FHOD3: variants seen among roughly 807,000 people sequenced by gnomAD.
The protein encoded by FHOD3 is FH1/FH2 domain-containing protein 3.
Under a neutral mutation model 173.0 loss-of-function variants are expected in FHOD3, and 90 were observed. That is an observed-to-expected ratio of 0.52 (90% CI 0.44 to 0.62). The LOEUF is 0.62. FHOD3 is among the 20% of genes least tolerant of loss of function. The pLI is 0.00. For synonymous variants in FHOD3, 828 were observed against 823.0 expected (o/e 1.01, Z -0.10); for missense variants, 1,945 against 2,034.7 (o/e 0.96, Z 0.85).
At chr18:36,402,370 C>A (rs1421816778) in intron 3 of FHOD3, among the ~76,000 whole-genome samples, 1 of 152,102 alleles carries the variant, frequency 6.6e-6, no homozygotes, top group Non-Finnish European at 1.5e-5. Context: ...ACACACATAA[C>A]CCATGCCACT....
At chr18:36,669,815 T>C (rs1206077072) in intron 14 of FHOD3, among the ~76,000 whole-genome samples, 2 of 151,938 alleles carry the variant, frequency 1.3e-5, no homozygotes. Context: ...AAATAAGGCT[T>C]ATATTTACCT....
At chr18:36,460,414 A>G (rs9949680) in intron 3 of FHOD3, among the ~76,000 whole-genome samples, 91 of 152,330 alleles carry the variant, frequency 6.0e-4, no homozygotes, top group African/African-American at 2.1e-3. Context: ...ATCTAATGCT[A>G]TTTCAAGCAG....
At chr18:36,611,868 C>T in intron 8 of FHOD3, 84 bp from the exon 9 acceptor site, 1 of 1,346,854 alleles carries the variant, frequency 7.4e-7, no homozygotes, top group African/African-American at 1.5e-5. Context: ...AACAATATGC[C>T]TGGATTAGGC....
In FHOD3 at chr18:36,576,315, T is replaced by G. The variant is rs74599520; in HGVS notation, c.512-136T>G. On this transcript the variant is annotated intron_variant, in intron 5 of 28. Transcript: ENST00000590592. ...AATGAGATTTAGTTAATTTCAGAGC[T>G]CAGGAATTCTCCTCAGATTTGATTC... The G allele has an allele frequency of 0.029, 15,331 of 527,000 alleles. 853 individuals carry two copies. The highest frequency in any genetic ancestry group is 0.14 in the East Asian group (4,030 of 29,040). 32.6% of individuals were successfully genotyped at this position (527,000 alleles called of 1,614,324 possible). A position where few individuals can be genotyped will look rare whatever the true frequency, so the allele number is the denominator to read the frequency against.
chr18:36,446,693 C>T (rs535384509), intron 3 of FHOD3, among the ~76,000 whole-genome samples: 25 of 152,250 alleles, frequency 1.6e-4, no homozygotes, highest in African/African-American at 2.9e-4. Flanking sequence ...CCAGTTCATA[C>T]GCAAACTTGG....
chr18:36,658,474 A>C (rs1334489093), intron 14 of FHOD3, among the ~76,000 whole-genome samples: 1 of 152,230 alleles, frequency 6.6e-6, no homozygotes, highest in African/African-American at 2.4e-5. Context: ...GTTTTGATTC[A>C]TTCCTTAAAA....
At chr18:36,543,521 C>G (rs182116438) in intron 5 of FHOD3, among the ~76,000 whole-genome samples, 1 of 152,130 alleles carries the variant, frequency 6.6e-6, no homozygotes. Context: ...TCAGGAGGAA[C>G]AGCCAAGAAG....
In FHOD3 at chr18:36,344,385, C is replaced by T. The variant is rs112298323; in HGVS notation, c.166-11154C>T. On this transcript the variant is annotated intron_variant, in intron 1 of 28. Transcript: ENST00000590592. ...GCTGGCACAGTGGGACACACCTGTG[C>T]TTCCAACATAATGAAACCTTGTCTC... Among the ~76,000 whole-genome samples the T allele has an allele frequency of 7.3e-3, 1,117 of 152,122 alleles. 9 individuals carry two copies. Among genetic ancestry groups the T allele is most frequent in the African/African-American group, 0.026 (1,068 of 41,480 alleles).
chr18:36,452,896 G>A (rs2051950098), intron 3 of FHOD3, among the ~76,000 whole-genome samples: 1 of 151,902 alleles, frequency 6.6e-6, no homozygotes, highest in Admixed American at 6.6e-5. Context: ...ATATATGCAT[G>A]CCATATTTTC....
chr18:36,441,956 G>A (rs1043121783), intron 3 of FHOD3, among the ~76,000 whole-genome samples: 1 of 152,194 alleles, frequency 6.6e-6, no homozygotes, highest in Non-Finnish European at 1.5e-5. Context: ...TCTGACTTTA[G>A]TTCATGAAAG....
chr18:36,740,954 G>A, intron 21 of FHOD3, 116 bp downstream of exon 21: 1 of 1,026,662 alleles, frequency 9.7e-7, no homozygotes, highest in Non-Finnish European at 1.4e-6. Context: ...GGTACGGAGG[G>A]TGAATTGACA....
chr18:36,429,470 G>A (rs16967847), intron 3 of FHOD3, among the ~76,000 whole-genome samples: 4,027 of 152,250 alleles, frequency 0.026, 167 homozygotes, highest in African/African-American at 0.092. Context: ...TGGACAGCTA[G>A]TATGTCAAGG....
chr18:36,693,162 A>G, intron 16 of FHOD3, 47 bp from the exon 17 acceptor site: 13 of 1,555,068 alleles, frequency 8.4e-6, no homozygotes, highest in Non-Finnish European at 1.1e-5. Context: ...CATCAGCCAC[A>G]GGCTCCTCTT....
chr18:36,606,238 G>A (rs1156586081), intron 8 of FHOD3, among the ~76,000 whole-genome samples: 2 of 152,082 alleles, frequency 1.3e-5, no homozygotes, highest in East Asian at 1.9e-4. Context: ...CCACAGACTG[G>A]GTAATTTATA....
chr18:36,747,003 C>T lies in FHOD3; in HGVS notation c.4100C>T (p.Ser1367Leu). The change falls in exon 24 of 29, where the codon TCA becomes TTA. Residue 1367 changes from serine (S) to leucine (L), a missense_variant. This residue lies in a region of FHOD3 where 354 missense variants were observed against 359.9 expected (regional missense o/e 0.98). Coordinates refer to ENST00000590592, the MANE Select transcript of FHOD3 (RefSeq NM_001281740.3). ...LCQMERRCKA[S>L]WDHLKAIAKH... ...CAGATGGAGAGAAGATGCAAAGCTT[C>T]ATGGGATCACCTCAAGGCAATTGCA... 2 of 1,613,324 alleles carry T rather than the reference C, an allele frequency of 1.2e-6. No homozygotes were observed. Among genetic ancestry groups the T allele is most frequent in the Non-Finnish European group, 1.7e-6 (2 of 1,179,816 alleles).
chr18:36,529,889 C>G (rs1000841034), intron 5 of FHOD3, among the ~76,000 whole-genome samples: 1 of 152,136 alleles, frequency 6.6e-6, no homozygotes, highest in African/African-American at 2.4e-5. Context: ...CGTTCAGCAT[C>G]GAAAGTCAGA....
At chr18:36,607,537 G>C (rs1185168805) in intron 8 of FHOD3, among the ~76,000 whole-genome samples, 1 of 152,134 alleles carries the variant, frequency 6.6e-6, no homozygotes, top group South Asian at 2.1e-4. Context: ...AATCCTTTTA[G>C]CAAATGGTCA....
intron 3 of FHOD3, among the ~76,000 whole-genome samples, chr18:36,473,486 C>T (rs1158879142): frequency 6.6e-6 from 1 of 152,174 alleles, no homozygotes; most frequent in Non-Finnish European, 1.5e-5. Flanking sequence ...ATTCCTGATC[C>T]CTGGGTGATG....
chr18:36,691,235 G>C (rs946982852), intron 16 of FHOD3, among the ~76,000 whole-genome samples: 3 of 152,102 alleles, frequency 2.0e-5, no homozygotes, highest in Non-Finnish European at 4.4e-5. Flanking sequence ...TGTCCTCCTG[G>C]CTGGAAGCCT....
Sources: gnomAD v4.1 joint callset for allele counts (sites outside exome capture counted in the v4.1 genomes callset) on GRCh38, gnomAD v4.1.1 for gene constraint, gnomAD v4.1.1 regional missense constraint, MANE v1.5 for transcripts, NCBI Gene and HGNC (gene_info 2026-07-23, HGNC 2026-07-21) for gene names.